The following SLC7A9 variants were observed in gnomAD, a reference collection of about 807,000 sequenced individuals.
SLC7A9 encodes B(0,+)-type amino acid transporter 1.
Under a neutral mutation model 54.1 loss-of-function variants are expected in SLC7A9, and 38 were observed. The ratio of observed to expected loss-of-function variants is 0.70; its 90% CI spans 0.54 to 0.92. SLC7A9 has a LOEUF of 0.92. Ranked by LOEUF, SLC7A9 falls within the 40% of genes least tolerant of loss-of-function variation. SLC7A9 has a pLI of 0.00. For missense variants in SLC7A9, 537 were observed against 636.1 expected (o/e 0.84, Z 1.68); for synonymous variants, 264 against 258.9 (o/e 1.02, Z -0.19).
chr19:32,864,243 G>A lies in SLC7A9; in HGVS notation c.331C>T (p.Leu111Phe). Residue 111 changes from leucine to phenylalanine, a missense_variant, in exon 4 of 13, where the codon CTC (leucine) becomes TTC (phenylalanine). Physicochemically the swap from Leu to Phe is conservative, Grantham distance 22. Transcript: ENST00000023064. ...ACGATCAGGCTGGCCCAGGAGAAGA[G>A]GTAGGCGGGGATGGGCCCGTAGGCC... ...MEAYGPIPAYLFSWASLIVIK... is the reference protein window; with the variant it reads ...MEAYGPIPAYFFSWASLIVIK... 7 of 1,614,220 alleles carry A rather than the reference G, an allele frequency of 4.3e-6. No homozygotes were observed. The highest frequency in any genetic ancestry group is 5.9e-6 in the Non-Finnish European group (7 of 1,180,028).
At chr19:32,837,825 T>C (rs939210968) in intron 11 of SLC7A9, among the ~76,000 whole-genome samples, 3 of 152,248 alleles carry the variant, frequency 2.0e-5, no homozygotes, top group Admixed American at 1.3e-4. Flanking sequence ...AAGTTTATAC[T>C]ACATTTTGGG....
At chr19:32,866,830 T>C in intron 2 of SLC7A9, among the ~76,000 whole-genome samples, 1 of 152,122 alleles carries the variant, frequency 6.6e-6, no homozygotes. Flanking sequence ...CTGCCAGGCA[T>C]GGGAGCTCTC....
In SLC7A9 at chr19:32,862,106, AG is replaced by A; in HGVS notation, c.704+11del. The A allele has an allele frequency of 6.3e-7, 1 of 1,582,206 alleles. No homozygotes were observed. The highest frequency in any genetic ancestry group is 1.7e-5 in the Admixed American group (1 of 59,976). On this transcript the variant is annotated intron_variant, in intron 6 of 12. Coordinates refer to ENST00000023064, the MANE Select transcript of SLC7A9 (RefSeq NM_014270.5). ...CCCACCCCCAGACTCGGGACATCTC[AG>A]GACACCTCACCATCCATCATAGGCC...
Position 32,858,455 on chromosome 19 carries a change from C to G in SLC7A9, c.962G>C (p.Cys321Ser). The change falls in exon 9 of 13, where the codon TGC becomes TCC. Residue 321 changes from cysteine to serine, a missense_variant. Transcript: ENST00000023064. ...FSTIGAANGT[C>S]FTAGRLIYVA... ...GGTCCCCTACCTGCCCGCTGTGAAG[C>G]AGGTCCCGTTAGCAGCACCGATGGT... 1.9e-6 allele frequency: 3 copies of G among 1,613,008 alleles called. No homozygotes were observed. Among genetic ancestry groups the G allele is most frequent in the Non-Finnish European group, 2.5e-6 (3 of 1,179,758 alleles).
chr19:32,864,261 C>T lies in SLC7A9; in HGVS notation c.313G>A (p.Gly105Arg), dbSNP rs121908480. 795 of 1,614,134 alleles carry T rather than the reference C, an allele frequency of 4.9e-4. 3 individuals are homozygous for T. The highest frequency in any genetic ancestry group is 6.6e-4 in the Middle Eastern group (4 of 6,062). Residue 105 changes from glycine (G) to arginine (R), a missense_variant, in exon 4 of 13, where the codon GGG (glycine) becomes AGG (arginine). Physicochemically the swap from Gly to Arg is moderately radical, Grantham distance 125. Transcript: ENST00000023064. ...GEYPYLMEAY[G>R]PIPAYLFSWA... ...GAGAAGAGGTAGGCGGGGATGGGCC[C>T]GTAGGCCTCCATCAGGTAGGGATAC...
chr19:32,857,499 A>T (rs1049916493), intron 9 of SLC7A9, among the ~76,000 whole-genome samples: 3 of 152,146 alleles, frequency 2.0e-5, no homozygotes, highest in Non-Finnish European at 4.4e-5. Flanking sequence ...AATACAAAGG[A>T]TCTAGCCAAA....
chr19:32,855,559 G>A (rs535794694), intron 9 of SLC7A9, among the ~76,000 whole-genome samples: 34 of 152,052 alleles, frequency 2.2e-4, no homozygotes, highest in East Asian at 9.6e-4. Flanking sequence ...AAAATTAGCC[G>A]GGCGTGATGG....
rs1359638431 is a variant in SLC7A9, at chr19:32,830,626, AGG to A, written c.1456_1457del (p.Pro486Ter). ...LMEVVPPEED[P>X]E ...CTACAAGAGACGGAGCTTGTTACTC[AGG>A]GTCTTCCTCCGGTGGGACCACTTCC... On this transcript the variant is annotated frameshift_variant, in exon 13 of 13. Coordinates refer to ENST00000023064, the MANE Select transcript of SLC7A9 (RefSeq NM_014270.5). LOFTEE classifies it high-confidence loss of function. The A allele has an allele frequency of 1.2e-6, 2 of 1,613,022 alleles. No individual in the cohort carries two copies. Among genetic ancestry groups the A allele is most frequent in the African/African-American group, 2.7e-5 (2 of 74,932 alleles).
In SLC7A9 at chr19:32,862,237, T is replaced by C; in HGVS notation, c.605-20A>G. The stretch of plus-strand genomic sequence containing the variant: ...TGTTTCCTGTAATGAAGCCAGACAG[T>C]GAACGGCGGGTGTCAACCGGGCAGA... On this transcript the variant is annotated intron_variant, in intron 5 of 12. Coordinates refer to ENST00000023064, the MANE Select transcript of SLC7A9 (RefSeq NM_014270.5). 2.5e-6 allele frequency: 4 copies of C among 1,589,398 alleles called. No homozygotes were observed. Among genetic ancestry groups the C allele is most frequent in the Non-Finnish European group, 3.5e-6 (4 of 1,157,468 alleles).
chr19:32,866,549 C>G (rs1232422859), intron 2 of SLC7A9, among the ~76,000 whole-genome samples: 1 of 152,200 alleles, frequency 6.6e-6, no homozygotes, highest in Non-Finnish European at 1.5e-5. Flanking sequence ...CTCAGCCTCC[C>G]AAAGTGCTAA....
At chr19:32,845,496 T>G (rs751493253) in intron 9 of SLC7A9, among the ~76,000 whole-genome samples, 4 of 152,064 alleles carry the variant, frequency 2.6e-5, no homozygotes, top group Non-Finnish European at 5.9e-5. Flanking sequence ...AACAAGACTC[T>G]GTCTCAAACA....
chr19:32,864,388 C>A (rs1010794152), intron 3 of SLC7A9, 50 bp from the exon 4 acceptor site: 79 of 1,610,402 alleles, frequency 4.9e-5, no homozygotes, highest in Non-Finnish European at 6.3e-5. Flanking sequence ...GGCACTGCCC[C>A]GGCCCCAGGG....
At chr19:32,835,391 G>A (rs1048400928) in intron 11 of SLC7A9, among the ~76,000 whole-genome samples, 1 of 152,010 alleles carries the variant, frequency 6.6e-6, no homozygotes, top group African/African-American at 2.4e-5. Context: ...AAATAAAAAT[G>A]GGCAATTAAT....
At chr19:32,830,789 G>C in intron 12 of SLC7A9, 105 bp from the exon 13 acceptor site, 1 of 847,872 alleles carries the variant, frequency 1.2e-6, no homozygotes, top group Non-Finnish European at 1.9e-6. Context: ...CTTTGGTGAT[G>C]CGTCACCTAG....
At chr19:32,854,969 T>C (rs954476714) in intron 9 of SLC7A9, among the ~76,000 whole-genome samples, 4 of 152,212 alleles carry the variant, frequency 2.6e-5, no homozygotes, top group African/African-American at 7.2e-5. Context: ...TTTGAATGAA[T>C]TGAAATCCAC....
intron 2 of SLC7A9, among the ~76,000 whole-genome samples, chr19:32,865,951 A>T (rs1568533352): frequency 1.4e-5 from 2 of 144,466 alleles, no homozygotes; most frequent in Admixed American, 6.9e-5. Flanking sequence ...TGACAGTGAG[A>T]CTGTCTCAAA....
At chr19:32,845,959 G>T (rs1968278364) in intron 9 of SLC7A9, among the ~76,000 whole-genome samples, 1 of 152,168 alleles carries the variant, frequency 6.6e-6, no homozygotes, top group South Asian at 2.1e-4. Flanking sequence ...AGCCGAGATT[G>T]CACCACTGTA....
intron 4 of SLC7A9, 130 bp downstream of exon 4, chr19:32,863,966 T>C: frequency 6.8e-7 from 1 of 1,466,476 alleles, no homozygotes; most frequent in Non-Finnish European, 9.5e-7. Context: ...CCACAGGTAC[T>C]GCAAAGGCTG....
intron 11 of SLC7A9, among the ~76,000 whole-genome samples, chr19:32,834,945 C>T (rs903247587): frequency 6.6e-6 from 1 of 152,022 alleles, no homozygotes; most frequent in Non-Finnish European, 1.5e-5. Flanking sequence ...CGTGTGCCAA[C>T]ATGCCCAGCT....
Sources: gnomAD v4.1 joint callset for allele counts (sites outside exome capture counted in the v4.1 genomes callset) on GRCh38, gnomAD v4.1.1 for gene constraint, MANE v1.5 for transcripts, NCBI Gene and HGNC (gene_info 2026-07-23, HGNC 2026-07-21) for gene names.